The following ISLR2 variants were observed in gnomAD, a reference collection of about 807,000 sequenced individuals.
The protein encoded by ISLR2 is immunoglobulin superfamily containing leucine rich repeat 2.
Under a neutral mutation model 25.5 loss-of-function variants are expected in ISLR2, and 16 were observed. The ratio of observed to expected loss-of-function variants is 0.63; its 90% confidence interval spans 0.43 to 0.95. The LOEUF (loss-of-function observed/expected upper bound fraction) is 0.95. Ranked by LOEUF, ISLR2 falls within the 40% of genes least tolerant of loss-of-function variation. The probability of loss-of-function intolerance (pLI) is 0.00; values close to 1 mark genes in which losing one functional copy is unlikely to be tolerated. For synonymous variants in ISLR2, 508 were observed against 486.6 expected (o/e 1.04, Z -0.58); for missense variants, 883 against 1,030.7 (o/e 0.86, Z 1.96).
upstream of ISLR2, among the ~76,000 whole-genome samples, chr15:74,124,815 C>T (rs545393507): frequency 6.6e-6 from 1 of 152,244 alleles, no homozygotes; most frequent in South Asian, 2.1e-4. Context: ...GCTCCGGAAG[C>T]CCTCCAGTGA....
chr15:74,138,461 T>G (rs1031798115), downstream of ISLR2: 3 of 152,636 alleles, frequency 2.0e-5, no homozygotes, highest in African/African-American at 7.2e-5. Context: ...CACTTAGCTG[T>G]GGAGAAGTCC....
At chr15:74,125,611 AG>A (rs1346896799), upstream of ISLR2, among the ~76,000 whole-genome samples, 2 of 152,260 alleles carry the variant, frequency 1.3e-5, no homozygotes, top group African/African-American at 2.4e-5. Flanking sequence ...AGACAAGCAC[AG>A]ACCCAGATAA....
rs966177182 is a variant in ISLR2 at position 74,132,580 on chromosome 15, G to T, written c.-8-167G>T. On this transcript the variant is annotated intron_variant, in intron 2 of 2. Transcript: ENST00000453268. This position sits in a 1 kb window ranked among gnomAD's most constrained non-coding sequence, Gnocchi z 4.3. ...TGGGAGGGAGCATCCGTTGAACCTC[G>T]AGATTTTTATTGACCTTCACTTCAG... 6.6e-6 allele frequency among the ~76,000 whole-genome samples: 1 copy of T among 152,188 alleles called. No individual in the cohort carries two copies. Among genetic ancestry groups the T allele is most frequent in the African/African-American group, 2.4e-5 (1 of 41,462 alleles).
rs760380510 is a variant in ISLR2, at chr15:74,135,013, C to T, written c.*21C>T. ...GCTGAACCTCCGCCCGTCCGGCCCG[C>T]CCATTCCCGACCTCCACCTAGGGTG... On this transcript the variant is annotated 3_prime_UTR_variant, in exon 3 of 3. Coordinates refer to ENST00000453268, the MANE Select transcript of ISLR2 (RefSeq NM_020851.3). 9 of 1,603,062 alleles carry T rather than the reference C, an allele frequency of 5.6e-6. No individual in the cohort carries two copies. In the Admixed American group the frequency reaches 1.5e-4, roughly 27 times the overall value.
upstream of ISLR2, among the ~76,000 whole-genome samples, chr15:74,123,812 A>G (rs1226122231): frequency 2.0e-5 from 3 of 152,182 alleles, no homozygotes; most frequent in Non-Finnish European, 4.4e-5. Context: ...GGATCCCAGC[A>G]CAGGCATTTC....
intron 1 of ISLR2, 82 bp from the exon 2 acceptor site, chr15:74,131,125 A>T (rs915590742): frequency 4.6e-5 from 7 of 152,678 alleles, no homozygotes; most frequent in African/African-American, 1.7e-4. Flanking sequence ...AAAAGGAAAA[A>T]TTGAAGTGGT....
At chr15:74,123,146 C>T (rs1483533953), upstream of ISLR2, among the ~76,000 whole-genome samples, 1 of 152,090 alleles carries the variant, frequency 6.6e-6, no homozygotes, top group South Asian at 2.1e-4. Flanking sequence ...TGTTTTGAAG[C>T]AGGAAGACTC....
chr15:74,122,448 G>A (rs897159085), intron 2 of ISLR2, among the ~76,000 whole-genome samples: 3 of 152,254 alleles, frequency 2.0e-5, no homozygotes, highest in African/African-American at 7.2e-5. Context: ...ATCTGTGGAA[G>A]TGAGCTTCCC....
chr15:74,130,218 T>G (rs976113517), upstream of ISLR2: 11 of 2,986 alleles, frequency 3.7e-3, no homozygotes, highest in South Asian at 8.8e-3. Flanking sequence ...GCGGGGGGGT[T>G]GGGGCGGCGG....
Position 74,132,974 on chromosome 15 carries a change from G to A in ISLR2, c.220G>A (p.Val74Ile), listed in dbSNP as rs757187675. 7 of 1,613,814 alleles carry A rather than the reference G, an allele frequency of 4.3e-6. No individual in the cohort carries two copies. The East Asian group carries it at 1.6e-4, about 36-fold the overall frequency. ...TVLRRGAFAD[V>I]TQVTSLWLAH... The stretch of plus-strand genomic sequence containing the variant: ...GCTGCGGCGCGGGGCCTTCGCCGAC[G>A]TCACACAGGTCACGTCGCTGTGGCT... Residue 74 changes from valine to isoleucine, a missense_variant, in exon 3 of 3, where the codon GTC becomes ATC. Transcript: ENST00000453268. The surrounding 1 kb of genome is among the most constrained non-coding windows in gnomAD (Gnocchi z 4.3).
At chr15:74,119,318 C>G (rs2072234811) in intron 2 of ISLR2, among the ~76,000 whole-genome samples, 1 of 152,078 alleles carries the variant, frequency 6.6e-6, no homozygotes, top group South Asian at 2.1e-4. Context: ...CCAAGTGATC[C>G]TTCCACCTCA....
chr15:74,124,959 C>A (rs1406627014), upstream of ISLR2, among the ~76,000 whole-genome samples: 1 of 152,156 alleles, frequency 6.6e-6, no homozygotes, highest in East Asian at 1.9e-4. Flanking sequence ...AGCCTTGCTT[C>A]CTGCTTTGTG....
chr15:74,109,215 C>T (rs2072146449), intron 2 of ISLR2, among the ~76,000 whole-genome samples: 1 of 152,112 alleles, frequency 6.6e-6, no homozygotes, highest in Non-Finnish European at 1.5e-5. Context: ...TCCCCATATT[C>T]TGTTTTGGAG....
rs2072475157 is a variant in ISLR2, at chr15:74,133,403, C to T, written c.649C>T (p.Leu217=). Residue 217 remains leucine (L), a synonymous_variant, in exon 3 of 3, where the codon CTG becomes TTG. Transcript: ENST00000453268. ...CATTGCTTGTGCCTCGCCTCCCGCG[C>T]TGCAGGGGGTGCCGGTGTACCGCCT... ...DSIACASPPA[L]QGVPVYRLPA... is the part of the protein sequence containing the mutation. 1 of 1,606,890 alleles carries T rather than the reference C, an allele frequency of 6.2e-7. No homozygotes were observed.
At position 74,134,379 on chromosome 15, in the gene ISLR2, A is replaced by G. The variant is rs757702455; in HGVS notation, c.1625A>G (p.Gln542Arg). ...CCAGCGGGGGGCGGCGCGGCAGTGCAGTGGTCCCGCGTAGAGGAAGGCGTC... is the reference window on the plus strand; with the variant it reads ...CCAGCGGGGGGCGGCGCGGCAGTGCGGTGGTCCCGCGTAGAGGAAGGCGTC... ...LCPAGGGAAVQWSRVEEGVNA... is the reference protein window; with the variant it reads ...LCPAGGGAAVRWSRVEEGVNA... The change falls in exon 3 of 3, where the codon CAG becomes CGG. Residue 542 changes from glutamine (Q) to arginine (R), a missense_variant. By Grantham distance (43) the Gln-to-Arg change is conservative. Around this residue, in one of 2 missense-constraint regions of ISLR2, gnomAD observed 612 missense variants for 642.8 expected, o/e 0.95. Transcript: ENST00000453268. 7.5e-6 allele frequency: 12 copies of G among 1,606,888 alleles called. No homozygotes were observed. In the South Asian group the frequency reaches 1.3e-4, roughly 18 times the overall value.
rs1183283533 is a variant in ISLR2 at position 74,132,440 on chromosome 15, G to T, written c.-8-307G>T. ...ACAGAGAGGGGTACGTGAGGAGCCC[G>T]CTGGAGATGGGCGAGCTGCGGAGCC... On this transcript the variant is annotated intron_variant, in intron 2 of 2. Transcript: ENST00000453268. The surrounding 1 kb of genome is among the most constrained non-coding windows in gnomAD (Gnocchi z 4.3). Among the ~76,000 whole-genome samples, 1 of 152,180 alleles carries T rather than the reference G, an allele frequency of 6.6e-6. No homozygotes were observed.
Position 74,132,693 on chromosome 15 carries a change from A to C in ISLR2, c.-8-54A>C. ...GAGGCACAGCTTGATAGGGGAGGTA[A>C]GCTGGGGTTCAGTGAGTCACCTTCT... On this transcript the variant is annotated intron_variant, in intron 2 of 2. Coordinates refer to ENST00000453268, the MANE Select transcript of ISLR2 (RefSeq NM_020851.3). The surrounding 1 kb of genome is among the most constrained non-coding windows in gnomAD (Gnocchi z 4.3). The C allele has an allele frequency of 6.4e-7, 1 of 1,559,132 alleles. No individual in the cohort carries two copies. Among genetic ancestry groups the C allele is most frequent in the Non-Finnish European group, 8.7e-7 (1 of 1,151,148 alleles).
intron 2 of ISLR2, among the ~76,000 whole-genome samples, chr15:74,120,751 G>A (rs532652663): frequency 4.6e-5 from 7 of 152,118 alleles, no homozygotes; most frequent in Admixed American, 6.5e-5. Flanking sequence ...ATGCAAATGG[G>A]GGTGATAATG....
chr15:74,120,536 A>AG (rs2072244786), intron 2 of ISLR2, among the ~76,000 whole-genome samples: 2 of 151,754 alleles, frequency 1.3e-5, no homozygotes. Flanking sequence ...AAAAAAAAAA[A>AG]AAAAAGTCAG....
Sources: gnomAD v4.1 joint callset for allele counts (sites outside exome capture counted in the v4.1 genomes callset) on GRCh38, gnomAD v4.1.1 for gene constraint, gnomAD v4.1.1 regional missense constraint, Gnocchi (gnomAD v3.1) non-coding constraint, MANE v1.5 for transcripts, NCBI Gene and HGNC (gene_info 2026-07-23, HGNC 2026-07-21) for gene names.